The following PRKCH variants were observed in gnomAD, a reference collection of about 807,000 sequenced individuals.
The protein encoded by PRKCH is protein kinase C eta type.
PRKCH carries 28 observed loss-of-function variants against 82.5 expected under a neutral mutation model. The observed-to-expected ratio is 0.34, with a 90% CI of 0.25 to 0.47. PRKCH has a LOEUF of 0.47. Ranked by LOEUF, PRKCH falls within the 20% of genes least tolerant of loss-of-function variation. The probability of loss-of-function intolerance (pLI) is 1.00; values close to 1 mark genes in which losing one functional copy is unlikely to be tolerated. For synonymous variants in PRKCH, 322 were observed against 327.4 expected (o/e 0.98, Z 0.18); for missense variants, 705 against 881.8 (o/e 0.80, Z 2.54).
intron 2 of PRKCH, among the ~76,000 whole-genome samples, chr14:61,411,676 C>T (rs1486434416): frequency 1.3e-5 from 2 of 152,120 alleles, no homozygotes; most frequent in Non-Finnish European, 2.9e-5. Context: ...AGCAGACTCC[C>T]TGAGTTGAGG....
At chr14:61,486,595 GT>G (rs149293519) in intron 10 of PRKCH, among the ~76,000 whole-genome samples, 20 of 150,134 alleles carry the variant, frequency 1.3e-4, no homozygotes, top group African/African-American at 2.2e-4. Flanking sequence ...ACATTTTCCT[GT>G]TTTTTTTTCT....
upstream of PRKCH, among the ~76,000 whole-genome samples, chr14:61,320,398 G>T (rs986539633): frequency 2.0e-5 from 3 of 152,126 alleles, no homozygotes; most frequent in African/African-American, 7.2e-5. Flanking sequence ...TCGGGAGTTT[G>T]AGACCAGCCT....
At chr14:61,321,533 C>T (rs1460755575), upstream of PRKCH, among the ~76,000 whole-genome samples, 1 of 152,168 alleles carries the variant, frequency 6.6e-6, no homozygotes, top group Admixed American at 6.5e-5. This position sits in a 1 kb window ranked among gnomAD's most constrained non-coding sequence, Gnocchi z 4.1. Context: ...GACCGCGGGC[C>T]ACGCCCCTGG....
chr14:61,480,928 C>G (rs1885942919), intron 9 of PRKCH, among the ~76,000 whole-genome samples: 2 of 152,120 alleles, frequency 1.3e-5, no homozygotes, highest in Non-Finnish European at 2.9e-5. Flanking sequence ...CACCTCAGTC[C>G]CCACTCCAGC....
intron 2 of PRKCH, among the ~76,000 whole-genome samples, chr14:61,396,723 T>C (rs900563151): frequency 5.3e-5 from 8 of 152,100 alleles, no homozygotes; most frequent in African/African-American, 1.7e-4. Context: ...GGAGACAGTT[T>C]GTACAAGAAA....
At chr14:61,482,949 TA>T (rs1354700625) in intron 9 of PRKCH, among the ~76,000 whole-genome samples, 7 of 152,348 alleles carry the variant, frequency 4.6e-5, no homozygotes, top group Non-Finnish European at 1.0e-4. Context: ...TATAGCAGCC[TA>T]AGGAATGGCC....
At chr14:61,519,333 TG>T (rs1349657243) in intron 10 of PRKCH, among the ~76,000 whole-genome samples, 1 of 151,948 alleles carries the variant, frequency 6.6e-6, no homozygotes, top group Non-Finnish European at 1.5e-5. Context: ...ATAAAATTTT[TG>T]TAGAGACAGG....
intron 1 of PRKCH, among the ~76,000 whole-genome samples, chr14:61,212,161 G>A (rs976812879): frequency 7.2e-5 from 11 of 152,084 alleles, no homozygotes; most frequent in East Asian, 1.9e-4. Context: ...AAATCCAATC[G>A]CACATGGAAA....
intron 10 of PRKCH, among the ~76,000 whole-genome samples, chr14:61,509,264 G>A (rs978898021): frequency 1.4e-4 from 22 of 152,116 alleles, no homozygotes; most frequent in Non-Finnish European, 2.6e-4. Context: ...TTCACCCTAT[G>A]ACTGGCATAC....
At chr14:61,431,785 A>T (rs1883409099) in intron 2 of PRKCH, among the ~76,000 whole-genome samples, 1 of 152,042 alleles carries the variant, frequency 6.6e-6, no homozygotes, top group Admixed American at 6.5e-5. Context: ...TTATACAATC[A>T]CTTCTTTTTA....
intron 2 of PRKCH, among the ~76,000 whole-genome samples, chr14:61,415,664 T>A (rs1459077071): frequency 6.6e-6 from 1 of 152,180 alleles, no homozygotes; most frequent in Non-Finnish European, 1.5e-5. Flanking sequence ...TTCAGTTTTT[T>A]AAAAAAATTG....
At chr14:61,314,766 C>G (rs970532949) in intron 1 of PRKCH, among the ~76,000 whole-genome samples, 1 of 152,098 alleles carries the variant, frequency 6.6e-6, no homozygotes, top group Non-Finnish European at 1.5e-5. Flanking sequence ...GTTTCCTTCC[C>G]TTTATTCTCT....
At chr14:61,283,332 A>G (rs931597815) in intron 1 of PRKCH, among the ~76,000 whole-genome samples, 10 of 152,186 alleles carry the variant, frequency 6.6e-5, no homozygotes, top group African/African-American at 1.7e-4. Context: ...CAGATTTTCA[A>G]AGTCAAAAGA....
At chr14:61,281,209 C>G in intron 1 of PRKCH, 1 of 1,082,272 alleles carries the variant, frequency 9.2e-7, no homozygotes, top group African/African-American at 1.7e-5. Flanking sequence ...CGGGGCGCCT[C>G]CCTCTCCGCG....
At chr14:61,489,688 C>G (rs1462974204) in intron 10 of PRKCH, among the ~76,000 whole-genome samples, 1 of 152,224 alleles carries the variant, frequency 6.6e-6, no homozygotes, top group Non-Finnish European at 1.5e-5. Context: ...GAAGACTATT[C>G]ATTCTTTTGT....
intron 1 of PRKCH, among the ~76,000 whole-genome samples, chr14:61,215,973 T>C (rs932061221): frequency 2.0e-5 from 3 of 152,200 alleles, no homozygotes; most frequent in East Asian, 3.9e-4. Context: ...AACAAGGGCT[T>C]CTGGGATTCC....
At chr14:61,308,007 T>C (rs2045495428) in intron 1 of PRKCH, among the ~76,000 whole-genome samples, 1 of 152,168 alleles carries the variant, frequency 6.6e-6, no homozygotes, top group Non-Finnish European at 1.5e-5. Flanking sequence ...TGGCTAATTT[T>C]TAATTTTTTT....
At chr14:61,538,320 C>A (rs2043139453) in intron 12 of PRKCH, among the ~76,000 whole-genome samples, 1 of 152,174 alleles carries the variant, frequency 6.6e-6, no homozygotes, top group South Asian at 2.1e-4. Flanking sequence ...ACCAAAACCC[C>A]TAGTGAGGTT....
At chr14:61,488,930 T>C (rs900504693) in intron 10 of PRKCH, among the ~76,000 whole-genome samples, 2 of 152,250 alleles carry the variant, frequency 1.3e-5, no homozygotes, top group Non-Finnish European at 2.9e-5. Context: ...GTTCAGGCTC[T>C]AACTGATATG....
Sources: gnomAD v4.1 joint callset for allele counts (sites outside exome capture counted in the v4.1 genomes callset) on GRCh38, gnomAD v4.1.1 for gene constraint, Gnocchi (gnomAD v3.1) non-coding constraint, MANE v1.5 for transcripts, NCBI Gene and HGNC (gene_info 2026-07-23, HGNC 2026-07-21) for gene names.